The following EPM2A variants were observed in gnomAD, a reference collection of about 807,000 sequenced individuals.
EPM2A encodes EPM2A glucan phosphatase, laforin, also known as laforin.
Under a neutral mutation model 26.5 loss-of-function variants are expected in EPM2A, and 21 were observed. The observed-to-expected ratio is 0.79, with a 90% CI of 0.56 to 1.14. The LOEUF (loss-of-function observed/expected upper bound fraction) is 1.14, where lower values mean the gene tolerates loss of function less well. EPM2A is among the 50% of genes most tolerant of loss of function. The pLI is 0.00. For synonymous variants in EPM2A, 217 were observed against 177.6 expected (o/e 1.22, Z -1.76); for missense variants, 458 against 440.8 (o/e 1.04, Z -0.35).
chr6:145,506,355 T>C (rs1336100209), intron 2 of EPM2A, among the ~76,000 whole-genome samples: 10 of 152,298 alleles, frequency 6.6e-5, no homozygotes, highest in African/African-American at 2.4e-4. Flanking sequence ...ATTCCACTCC[T>C]GGCATTTTTG....
chr6:145,464,276 T>C (rs943377708), intron 4 of EPM2A, among the ~76,000 whole-genome samples: 2 of 152,126 alleles, frequency 1.3e-5, no homozygotes, highest in East Asian at 3.9e-4. Context: ...CCTTCTGCCA[T>C]GATTGTAAGT....
At chr6:145,536,316 G>T (rs1780431146) in intron 2 of EPM2A, among the ~76,000 whole-genome samples, 1 of 151,460 alleles carries the variant, frequency 6.6e-6, no homozygotes, top group African/African-American at 2.4e-5. Flanking sequence ...TGTTTTTTGA[G>T]ATGGAGTCTC....
At chr6:145,678,615 G>A (rs1213506724) in intron 2 of EPM2A, among the ~76,000 whole-genome samples, 3 of 152,006 alleles carry the variant, frequency 2.0e-5, no homozygotes, top group African/African-American at 7.2e-5. Flanking sequence ...TTCTCAAAAG[G>A]AGACATTTAT....
intron 2 of EPM2A, among the ~76,000 whole-genome samples, chr6:145,683,570 T>A (rs1191291680): frequency 6.6e-6 from 1 of 152,070 alleles, no homozygotes; most frequent in Non-Finnish European, 1.5e-5. Flanking sequence ...GTATATGAAC[T>A]AAGGTTCACT....
At chr6:145,606,791 A>C (rs1158479468) in intron 2 of EPM2A, among the ~76,000 whole-genome samples, 1 of 152,150 alleles carries the variant, frequency 6.6e-6, no homozygotes, top group Admixed American at 6.6e-5. Flanking sequence ...TTGTTTTGTT[A>C]AATTAAATTA....
chr6:145,487,929 TCCA>T (rs1779698781), intron 4 of EPM2A, among the ~76,000 whole-genome samples: 2 of 152,200 alleles, frequency 1.3e-5, no homozygotes, highest in Admixed American at 1.3e-4. Context: ...TAGGTTGTCT[TCCA>T]GGGTTTTTAT....
At chr6:145,723,429 C>T (rs997867483) in intron 1 of EPM2A, among the ~76,000 whole-genome samples, 3 of 151,990 alleles carry the variant, frequency 2.0e-5, no homozygotes, top group African/African-American at 7.2e-5. Context: ...CATATGCATA[C>T]ACACAGAACA....
intron 2 of EPM2A, among the ~76,000 whole-genome samples, chr6:145,653,029 G>T (rs1582973353): frequency 6.6e-6 from 1 of 152,152 alleles, no homozygotes; most frequent in East Asian, 1.9e-4. Flanking sequence ...TAGGAAAGAA[G>T]ATTAAACATG....
chr6:145,513,014 G>A (rs1482543404), intron 2 of EPM2A, among the ~76,000 whole-genome samples: 2 of 152,098 alleles, frequency 1.3e-5, no homozygotes, highest in Non-Finnish European at 2.9e-5. Context: ...AAGAATTTAT[G>A]ATGAAGACCC....
chr6:145,459,183 A>C (rs1779298061), intron 4 of EPM2A, among the ~76,000 whole-genome samples: 1 of 152,200 alleles, frequency 6.6e-6, no homozygotes. Flanking sequence ...GCCAATGGGC[A>C]AAGAGAGGGG....
chr6:145,514,319 C>A (rs190783822), intron 2 of EPM2A, among the ~76,000 whole-genome samples: 231 of 152,064 alleles, frequency 1.5e-3, no homozygotes, highest in African/African-American at 5.0e-3. Flanking sequence ...ACCTCAGGGA[C>A]GTGAGCTCAG....
At position 145,481,224 on chromosome 6, in the gene EPM2A, G is replaced by T. The variant is rs114271715; in HGVS notation, c.555+21298C>A. ...TCTTTTATATCCTTTGGATAGTGGA[G>T]AAGGATGCCCTCAAAGATTTCCTTT... On this transcript the variant is annotated intron_variant, in intron 4 of 4. Coordinates refer to the EPM2A transcript ENST00000638717. Among the ~76,000 whole-genome samples the T allele has an allele frequency of 6.8e-3, 1,034 of 152,220 alleles. 6 individuals are homozygous for T. The highest frequency in any genetic ancestry group is 0.024 in the African/African-American group (999 of 41,540).
At chr6:145,599,956 A>G (rs1321455183) in intron 2 of EPM2A, among the ~76,000 whole-genome samples, 4 of 152,076 alleles carry the variant, frequency 2.6e-5, no homozygotes, top group African/African-American at 9.6e-5. Context: ...TTCTGGGCAA[A>G]TAATAGTTTA....
chr6:145,514,258 C>T lies in EPM2A; in HGVS notation c.341-11683G>A, dbSNP rs1780094685. Among the ~76,000 whole-genome samples, 5 of 152,152 alleles carry T rather than the reference C, an allele frequency of 3.3e-5. No individual in the cohort carries two copies. In the South Asian group the frequency reaches 1.0e-3, roughly 32 times the overall value. ...GTGTTGGTATTTCTTGAGAACTGCC[C>T]CACGACTCCATATTGCCTCTGGGTT... On this transcript the variant is annotated intron_variant, in intron 2 of 3. Coordinates refer to the EPM2A transcript ENST00000450221.
chr6:145,625,686 T>G lies in EPM2A; in HGVS notation c.*1730A>C. 1 of 771,554 alleles carries G rather than the reference T, an allele frequency of 1.3e-6. No individual in the cohort carries two copies. Among genetic ancestry groups the G allele is most frequent in the Admixed American group, 1.8e-5 (1 of 56,206 alleles). The allele number at this position is 771,554 out of a possible 1,614,324, so 47.8% of individuals were successfully genotyped here. A position where few individuals can be genotyped will look rare whatever the true frequency, so the allele number is the denominator to read the frequency against. ...CTTAATGCTAGCTTATAAATTTAAC[T>G]TTGTAAAATTATAGTGGAAATGTGT... On this transcript the variant is annotated 3_prime_UTR_variant, in exon 4 of 4. Coordinates refer to ENST00000367519, the MANE Select transcript of EPM2A (RefSeq NM_005670.4).
At chr6:145,542,661 G>T (rs753478643) in intron 2 of EPM2A, among the ~76,000 whole-genome samples, 2 of 152,156 alleles carry the variant, frequency 1.3e-5, no homozygotes, top group African/African-American at 4.8e-5. Flanking sequence ...GTCCCCTCTG[G>T]ACAGTCAAAT....
intron 2 of EPM2A, among the ~76,000 whole-genome samples, chr6:145,685,685 G>C (rs1583052663): frequency 1.3e-5 from 2 of 152,248 alleles, no homozygotes; most frequent in East Asian, 3.9e-4. Context: ...TAATAAAGCA[G>C]ATAATCACAT....
chr6:145,469,270 C>T (rs149026187), intron 4 of EPM2A, among the ~76,000 whole-genome samples: 23 of 152,240 alleles, frequency 1.5e-4, no homozygotes, highest in Middle Eastern at 3.4e-3. Flanking sequence ...AAACCACCCT[C>T]ATGATTCAAT....
chr6:145,425,231 T>G (rs1404057465), intron 4 of EPM2A, among the ~76,000 whole-genome samples: 1 of 151,890 alleles, frequency 6.6e-6, no homozygotes, highest in East Asian at 1.9e-4. Flanking sequence ...TGGAGTGCAG[T>G]GGCGTGATCT....
Sources: allele counts gnomAD v4.1 joint callset (sites outside exome capture counted in the v4.1 genomes callset), GRCh38; gene constraint gnomAD v4.1.1; transcripts MANE v1.5; gene names NCBI Gene and HGNC (gene_info 2026-07-23, HGNC 2026-07-21).